Variants in CD86 observed in about 807,000 individuals in gnomAD.
CD86 encodes CD86 molecule, also known as T-lymphocyte activation antigen CD86.
In CD86, 11 loss-of-function variants were observed where a neutral mutation model predicts 32.1. That is an observed-to-expected ratio of 0.34 (90% CI 0.22 to 0.57). CD86 has a LOEUF of 0.57. Among genes scored for constraint, CD86 ranks in the 20% least tolerant of loss-of-function variants. CD86 has a pLI of 0.86. For missense variants in CD86, 359 were observed against 398.4 expected (o/e 0.90, Z 0.84); for synonymous variants, 137 against 135.3 (o/e 1.01, Z -0.09).
intron 1 of CD86, among the ~76,000 whole-genome samples, chr3:122,064,853 T>G (rs1197553647): frequency 6.6e-6 from 1 of 152,074 alleles, no homozygotes; most frequent in Non-Finnish European, 1.5e-5. Context: ...AGCGAGAAAG[T>G]AGGGGGCTGA....
intron 1 of CD86, among the ~76,000 whole-genome samples, chr3:122,080,226 C>G (rs184444729): frequency 1.3e-5 from 2 of 152,080 alleles, no homozygotes; most frequent in South Asian, 2.1e-4. Flanking sequence ...TCAGAGCCCT[C>G]GAGTGGATGA....
intron 2 of CD86, among the ~76,000 whole-genome samples, chr3:122,095,477 G>A (rs943647741): frequency 4.6e-5 from 7 of 152,108 alleles, no homozygotes; most frequent in South Asian, 2.1e-4. Flanking sequence ...GAGCCACTGC[G>A]CCCGGCCCAC....
At chr3:122,062,505 T>G (rs1469333753) in intron 1 of CD86, among the ~76,000 whole-genome samples, 3 of 152,202 alleles carry the variant, frequency 2.0e-5, no homozygotes, top group African/African-American at 7.2e-5. Flanking sequence ...TTCAGTTTTG[T>G]GGTAAATATA....
chr3:122,075,389 T>C (rs1481551966), intron 1 of CD86, among the ~76,000 whole-genome samples: 2 of 152,128 alleles, frequency 1.3e-5, no homozygotes, highest in Non-Finnish European at 2.9e-5. Context: ...TTTGGAAGGG[T>C]TTATATAAAA....
intron 1 of CD86, among the ~76,000 whole-genome samples, chr3:122,086,201 A>G (rs2072716178): frequency 6.6e-6 from 1 of 152,224 alleles, no homozygotes; most frequent in African/African-American, 2.4e-5. Context: ...TGTTTGCCTG[A>G]AAGACTACCT....
chr3:122,108,677 C>T (rs770597867), intron 4 of CD86, among the ~76,000 whole-genome samples: 3 of 152,144 alleles, frequency 2.0e-5, no homozygotes, highest in Non-Finnish European at 4.4e-5. Context: ...CATGAAGAAA[C>T]ATCAAAGGTT....
At chr3:122,073,532 T>A (rs2072518244) in intron 1 of CD86, among the ~76,000 whole-genome samples, 1 of 152,170 alleles carries the variant, frequency 6.6e-6, no homozygotes, top group South Asian at 2.1e-4. Context: ...GTTTTAAAAA[T>A]ACAATTTACA....
rs1373438621 is a variant in CD86 at position 122,083,361 on chromosome 3, T to C, written c.15-8240T>C. 2.0e-5 allele frequency among the ~76,000 whole-genome samples: 3 copies of C among 152,306 alleles called. No individual in the cohort carries two copies. The South Asian group carries it at 6.2e-4, about 32-fold the overall frequency. ...TTCAGCCTTGTCTTTCACCTGTCTC[T>C]TCATTTTGGCCACAGGGACCTCCTC... On this transcript the variant is annotated intron_variant, in intron 1 of 6. Transcript: ENST00000330540.
In CD86 at chr3:122,106,226, A is replaced by T. The variant is rs960384945; in HGVS notation, c.429A>T (p.Pro143=). 1.2e-6 allele frequency: 2 copies of T among 1,608,560 alleles called. No homozygotes were observed. Among genetic ancestry groups the T allele is most frequent in the African/African-American group, 2.7e-5 (2 of 74,564 alleles). The change falls in exon 4 of 7, where the codon CCA becomes CCT. Residue 143 remains proline, a synonymous_variant. Transcript: ENST00000330540. ...LANFSQPEIV[P]ISNITENVYI... is the part of the protein sequence containing the mutation. ...ACTTCAGTCAACCTGAAATAGTACC[A>T]ATTTCTAATATAACAGAAAATGTGT...
At chr3:122,079,856 G>A (rs1419509188) in intron 1 of CD86, among the ~76,000 whole-genome samples, 1 of 152,106 alleles carries the variant, frequency 6.6e-6, no homozygotes, top group Admixed American at 6.6e-5. Flanking sequence ...ATTCATGGAC[G>A]GATATGATTC....
At chr3:122,117,505 T>G (rs2107552149) in intron 5 of CD86, among the ~76,000 whole-genome samples, 1 of 152,282 alleles carries the variant, frequency 6.6e-6, no homozygotes, top group Admixed American at 6.5e-5. Context: ...CCTAGAGAAA[T>G]TTACATCCCA....
chr3:122,081,670 A>C (rs1238927199), intron 1 of CD86, among the ~76,000 whole-genome samples: 1 of 152,236 alleles, frequency 6.6e-6, no homozygotes, highest in East Asian at 1.9e-4. Context: ...AACAGCCCTC[A>C]TAAGTGGGAG....
intron 1 of CD86, among the ~76,000 whole-genome samples, chr3:122,075,823 G>A (rs911286876): frequency 2.6e-5 from 4 of 152,170 alleles, no homozygotes; most frequent in Non-Finnish European, 5.9e-5. Context: ...GAAATAAGTA[G>A]ATTAAAGAAG....
intron 1 of CD86, among the ~76,000 whole-genome samples, chr3:122,059,236 G>A (rs1412606567): frequency 2.0e-5 from 3 of 152,140 alleles, no homozygotes; most frequent in African/African-American, 7.2e-5. Context: ...CTCATTGTGG[G>A]TCAATTCAGT....
intron 1 of CD86, among the ~76,000 whole-genome samples, chr3:122,058,582 G>A (rs1045283885): frequency 6.6e-6 from 1 of 152,068 alleles, no homozygotes; most frequent in South Asian, 2.1e-4. Context: ...TAGGTGCATG[G>A]GGGAATTTTA....
intron 5 of CD86, among the ~76,000 whole-genome samples, chr3:122,116,381 C>G (rs2073250741): frequency 6.6e-6 from 1 of 152,040 alleles, no homozygotes; most frequent in Non-Finnish European, 1.5e-5. Flanking sequence ...GGCCGATGAG[C>G]ACAGTCACAA....
intron 1 of CD86, among the ~76,000 whole-genome samples, chr3:122,087,032 C>CA (rs1212850233): frequency 2.0e-5 from 3 of 152,212 alleles, no homozygotes; most frequent in Non-Finnish European, 4.4e-5. Flanking sequence ...TCATCTGTAA[C>CA]ATGGGGACAA....
At chr3:122,075,274 G>A (rs1179211877) in intron 1 of CD86, among the ~76,000 whole-genome samples, 4 of 152,194 alleles carry the variant, frequency 2.6e-5, no homozygotes, top group African/African-American at 9.7e-5. Flanking sequence ...CTGCCAATGG[G>A]TGAGGGTCCT....
intron 1 of CD86, among the ~76,000 whole-genome samples, chr3:122,062,392 T>A (rs1318981403): frequency 6.6e-6 from 1 of 151,832 alleles, no homozygotes; most frequent in Non-Finnish European, 1.5e-5. Context: ...CCTTAGTACA[T>A]TTTTTTTCAG....
Sources: allele counts gnomAD v4.1 joint callset (sites outside exome capture counted in the v4.1 genomes callset), GRCh38; gene constraint gnomAD v4.1.1; transcripts MANE v1.5; gene names NCBI Gene and HGNC (gene_info 2026-07-23, HGNC 2026-07-21).